The following ZNF407 variants were observed in gnomAD, a reference collection of about 807,000 sequenced individuals.
ZNF407 encodes the protein zinc finger protein 407.
A neutral mutation model predicts 131.2 loss-of-function variants in ZNF407; 17 were observed. That is an observed-to-expected ratio of 0.13 (90% CI 0.09 to 0.19). The LOEUF is 0.19. Ranked by LOEUF, ZNF407 falls within the 10% of genes least tolerant of loss-of-function variation. The pLI is 1.00. For synonymous variants in ZNF407, 1,156 were observed against 1,062.0 expected (o/e 1.09, Z -1.72); for missense variants, 2,681 against 2,830.6 (o/e 0.95, Z 1.20).
intron 4 of ZNF407, among the ~76,000 whole-genome samples, chr18:74,860,735 T>G (rs1233422661): frequency 6.6e-6 from 1 of 152,098 alleles, no homozygotes; most frequent in Non-Finnish European, 1.5e-5. Flanking sequence ...TAATACCAGA[T>G]GACTTTTTCA....
chr18:74,969,197 A>G (rs1972443976), intron 8 of ZNF407, among the ~76,000 whole-genome samples: 1 of 152,172 alleles, frequency 6.6e-6, no homozygotes, highest in Non-Finnish European at 1.5e-5. Flanking sequence ...TGGTGAAAGC[A>G]TTTTTATGAT....
chr18:74,921,091 C>A (rs969130665), intron 8 of ZNF407: 1 of 838,144 alleles, frequency 1.2e-6, no homozygotes, highest in Non-Finnish European at 1.4e-6. Context: ...CCATCATCTT[C>A]TAGTGAATGC....
chr18:74,670,865 T>C (rs910787098), intron 3 of ZNF407, among the ~76,000 whole-genome samples: 21 of 152,296 alleles, frequency 1.4e-4, no homozygotes, highest in Admixed American at 5.9e-4. Context: ...AGGGTTTTGC[T>C]GTGTTGCCCA....
intron 3 of ZNF407, among the ~76,000 whole-genome samples, chr18:74,718,157 A>G (rs1599095601): frequency 6.6e-6 from 1 of 152,066 alleles, no homozygotes; most frequent in East Asian, 1.9e-4. Flanking sequence ...ACGAATACAG[A>G]TAAAAGAACG....
rs956054638 is a variant in ZNF407 at position 74,943,743 on chromosome 18, A to G, written c.5428+23051A>G. On this transcript the variant is annotated intron_variant, in intron 8 of 8. Transcript: ENST00000299687. ...TGTCGGTTGTCGTAGTTCCAAACCTACAGTCTGTTCTCTTGCTGTGTACAG... is the reference window on the plus strand; with the variant it reads ...TGTCGGTTGTCGTAGTTCCAAACCTGCAGTCTGTTCTCTTGCTGTGTACAG... 1.1e-4 allele frequency among the ~76,000 whole-genome samples: 16 copies of G among 152,262 alleles called. 1 individual carries two copies. The highest frequency in any genetic ancestry group is 3.9e-4 in the African/African-American group (16 of 41,546).
chr18:74,786,846 C>T (rs942462536), intron 4 of ZNF407, among the ~76,000 whole-genome samples: 2 of 132,198 alleles, frequency 1.5e-5, no homozygotes, highest in Non-Finnish European at 3.1e-5. Context: ...TCTCTTGTTG[C>T]CCAGGCTGGA....
chr18:74,762,643 G>C (rs931744667), intron 3 of ZNF407, among the ~76,000 whole-genome samples: 1 of 150,866 alleles, frequency 6.6e-6, no homozygotes, highest in Admixed American at 6.6e-5. Flanking sequence ...TTATTAGCTT[G>C]CATTTTTAGA....
At chr18:75,024,969 T>C (rs887731951) in intron 8 of ZNF407, among the ~76,000 whole-genome samples, 22 of 152,206 alleles carry the variant, frequency 1.4e-4, no homozygotes, top group Non-Finnish European at 2.6e-4. Flanking sequence ...AAAATGTGTG[T>C]TTGCATGAAT....
At chr18:74,728,046 G>T (rs1968201755) in intron 3 of ZNF407, among the ~76,000 whole-genome samples, 1 of 152,014 alleles carries the variant, frequency 6.6e-6, no homozygotes, top group South Asian at 2.1e-4. Context: ...GGGCAGATGT[G>T]GTTATTCATA....
chr18:74,701,619 CA>C lies in ZNF407; in HGVS notation c.4802+60498del, dbSNP rs545704718. Among the ~76,000 whole-genome samples, 35 of 152,260 alleles carry C rather than the reference CA, an allele frequency of 2.3e-4. No homozygotes were observed. In the South Asian group the frequency reaches 6.6e-3, roughly 29 times the overall value. On this transcript the variant is annotated intron_variant, in intron 3 of 8. Transcript: ENST00000299687. ...CAACTACCATGGAAGGTAACTATTA[CA>C]GTTAATTTTTTATTCAACAGTTTTG... is the stretch of plus-strand genomic sequence containing the variant.
rs75003920 is a variant in ZNF407 at position 74,801,609 on chromosome 18, A to G, written c.4877+20107A>G. 7.2e-5 allele frequency among the ~76,000 whole-genome samples: 11 copies of G among 152,330 alleles called. No homozygotes were observed. The East Asian group carries it at 1.9e-3, about 27-fold the overall frequency. The stretch of plus-strand genomic sequence containing the variant: ...ATCTACTTATCCCACCTGTAGTTCA[A>G]ATGCAGTTTATTGTTTTGATCAGAA... On this transcript the variant is annotated intron_variant, in intron 4 of 8. Transcript: ENST00000299687.
chr18:74,662,759 T>G (rs1406509812), intron 3 of ZNF407, among the ~76,000 whole-genome samples: 1 of 152,206 alleles, frequency 6.6e-6, no homozygotes, highest in Non-Finnish European at 1.5e-5. Flanking sequence ...TATTGCAACT[T>G]GAAGGCTTGT....
intron 8 of ZNF407, among the ~76,000 whole-genome samples, chr18:74,984,302 C>CA (rs1972627193): frequency 6.6e-6 from 1 of 150,738 alleles, no homozygotes. Flanking sequence ...CTGAAGTTAC[C>CA]AGAGGAAAAA....
chr18:74,755,775 C>CTTTCTTTCTTTCTTTCTTTCTT (rs1454993539), intron 3 of ZNF407, among the ~76,000 whole-genome samples: 4 of 15,014 alleles, frequency 2.7e-4, no homozygotes, highest in African/African-American at 3.9e-4. Context: ...CTTTCTTTCT[C>CTTTCTTTCTTTCTTTCTTTCTT]TCTCTCTCTT....
At chr18:74,958,465 C>T (rs924528320) in intron 8 of ZNF407, among the ~76,000 whole-genome samples, 16 of 151,554 alleles carry the variant, frequency 1.1e-4, no homozygotes, top group Non-Finnish European at 1.9e-4. Context: ...GGAGGAGCCC[C>T]GTCATATACA....
chr18:74,838,268 C>T (rs1599187401), intron 4 of ZNF407, among the ~76,000 whole-genome samples: 1 of 152,280 alleles, frequency 6.6e-6, no homozygotes. Flanking sequence ...AAGAATGCAT[C>T]TTCCAATATG....
In ZNF407 at chr18:74,632,174, A is replaced by G. The variant is rs1328781708; in HGVS notation, c.1155A>G (p.Leu385=). 9.3e-6 allele frequency: 15 copies of G among 1,613,916 alleles called. No individual in the cohort carries two copies. The highest frequency in any genetic ancestry group is 9.3e-6 in the Non-Finnish European group (11 of 1,179,910). Residue 385 remains leucine (L), a synonymous_variant, in exon 2 of 9, where the codon TTA becomes TTG. Coordinates refer to ENST00000299687, the MANE Select transcript of ZNF407 (RefSeq NM_017757.3). ...ACCAGAGTAGAAAGCTAGACACCTT[A>G]GTAACCTCAGAGGGTCTCTTAGAGA... ...PENQSRKLDT[L]VTSEGLLEKL... is the part of the protein sequence containing the mutation.
intron 3 of ZNF407, among the ~76,000 whole-genome samples, chr18:74,710,784 A>T (rs1006570184): frequency 2.6e-4 from 40 of 152,346 alleles, no homozygotes; most frequent in African/African-American, 9.1e-4. Flanking sequence ...TCAGATCTTC[A>T]TGAGTTCCCA....
At chr18:74,857,716 GC>G (rs1970878159) in intron 4 of ZNF407, among the ~76,000 whole-genome samples, 1 of 152,034 alleles carries the variant, frequency 6.6e-6, no homozygotes, top group Non-Finnish European at 1.5e-5. Context: ...TCATAAAGTA[GC>G]TTTTTTTTAA....
Sources: gnomAD v4.1 joint callset for allele counts (sites outside exome capture counted in the v4.1 genomes callset) on GRCh38, gnomAD v4.1.1 for gene constraint, MANE v1.5 for transcripts, NCBI Gene and HGNC (gene_info 2026-07-23, HGNC 2026-07-21) for gene names.